The following ELF1 variants were observed in gnomAD, a reference collection of about 807,000 sequenced individuals.
The protein encoded by ELF1 is E74 like ETS transcription factor 1, also known as ETS-related transcription factor Elf-1.
ELF1 carries 24 observed loss-of-function variants against 59.9 expected under a neutral mutation model. The observed-to-expected ratio is 0.40, with a 90% confidence interval of 0.29 to 0.56. ELF1 has a LOEUF of 0.56. ELF1 is among the 20% of genes least tolerant of loss of function. The pLI, the probability that ELF1 is intolerant of heterozygous loss-of-function variation, is 0.44. For missense variants in ELF1, 627 were observed against 742.2 expected (o/e 0.84, Z 1.80); for synonymous variants, 248 against 266.2 (o/e 0.93, Z 0.67).
chr13:41,016,593 C>T (rs1195726651), intron 1 of ELF1, among the ~76,000 whole-genome samples: 1 of 151,970 alleles, frequency 6.6e-6, no homozygotes, highest in Non-Finnish European at 1.5e-5. Flanking sequence ...CAAGGTATCA[C>T]ATTAAACAAT....
At chr13:41,026,080 T>C (rs1875887534) in intron 1 of ELF1, among the ~76,000 whole-genome samples, 2 of 152,148 alleles carry the variant, frequency 1.3e-5, no homozygotes, top group East Asian at 3.9e-4. Context: ...GTCCATTATA[T>C]CAATGACATT....
chr13:40,978,076 A>G (rs1334630575), intron 2 of ELF1, among the ~76,000 whole-genome samples: 1 of 152,162 alleles, frequency 6.6e-6, no homozygotes, highest in East Asian at 1.9e-4. Flanking sequence ...CAAACATATG[A>G]AAGATACTAG....
At chr13:40,967,383 T>C (rs74045616) in intron 2 of ELF1, among the ~76,000 whole-genome samples, 1 of 152,340 alleles carries the variant, frequency 6.6e-6, no homozygotes, top group Non-Finnish European at 1.5e-5. Flanking sequence ...CTCTAAGCTT[T>C]AGTTCCTACA....
At chr13:41,024,219 A>T (rs1875794900), upstream of ELF1, among the ~76,000 whole-genome samples, 1 of 152,216 alleles carries the variant, frequency 6.6e-6, no homozygotes, top group Non-Finnish European at 1.5e-5. Context: ...CTTTATGAAG[A>T]CACATGCCAA....
chr13:41,060,032 T>G lies in ELF1; in HGVS notation c.-229+806A>C, dbSNP rs1411043. On this transcript the variant is annotated intron_variant, in intron 1 of 1. Transcript: ENST00000405737. ...AAAAGATTCTCGTTCCCAAAGGCCT[T>G]TTTTCGAGGGTACTTTCCGTGACTG... 2.7e-3 allele frequency among the ~76,000 whole-genome samples: 418 copies of G among 152,298 alleles called. 8 individuals are homozygous for G. In the East Asian group the frequency reaches 0.049, roughly 18 times the overall value.
intron 2 of ELF1, among the ~76,000 whole-genome samples, chr13:40,964,796 T>C (rs1872075609): frequency 6.6e-6 from 1 of 152,036 alleles, no homozygotes; most frequent in Admixed American, 6.6e-5. Context: ...CGGCCTCCCA[T>C]AGTGTTGGGA....
chr13:41,028,638 TATAAC>T (rs1161276845), intron 1 of ELF1, among the ~76,000 whole-genome samples: 3 of 152,240 alleles, frequency 2.0e-5, no homozygotes, highest in East Asian at 1.9e-4. Context: ...TATACATAGA[TATAAC>T]AAAGCAAATA....
intron 1 of ELF1, among the ~76,000 whole-genome samples, chr13:40,995,606 C>T (rs912567054): frequency 3.4e-5 from 5 of 149,164 alleles, no homozygotes; most frequent in Non-Finnish European, 5.9e-5. Flanking sequence ...AAAGGCAATA[C>T]AATAAAGAAA....
At chr13:40,966,533 G>A (rs1593367611) in intron 2 of ELF1, among the ~76,000 whole-genome samples, 2 of 152,264 alleles carry the variant, frequency 1.3e-5, no homozygotes, top group South Asian at 2.1e-4. Flanking sequence ...GAAGGAAAGC[G>A]ACCAATGTAA....
intron 5 of ELF1, among the ~76,000 whole-genome samples, chr13:40,946,465 GGTAGTTTCTA>G (rs1240759436): frequency 6.6e-6 from 1 of 152,062 alleles, no homozygotes; most frequent in Non-Finnish European, 1.5e-5. Flanking sequence ...TAGATTAGTT[GGTAGTTTCTA>G]GAGCTTTATA....
intron 8 of ELF1, 89 bp downstream of exon 8, chr13:40,940,832 T>C: frequency 7.2e-7 from 1 of 1,387,884 alleles, no homozygotes; most frequent in Non-Finnish European, 9.6e-7. Flanking sequence ...ACTTTTATTT[T>C]CATTTCTGAA....
chr13:41,029,391 C>T (rs1876075267), intron 1 of ELF1, among the ~76,000 whole-genome samples: 1 of 151,998 alleles, frequency 6.6e-6, no homozygotes, highest in Admixed American at 6.6e-5. Context: ...GAGAGACTGG[C>T]ATTTCTTTTT....
chr13:40,964,001 T>G (rs1047955444), intron 2 of ELF1, among the ~76,000 whole-genome samples: 2 of 152,030 alleles, frequency 1.3e-5, no homozygotes, highest in Non-Finnish European at 2.9e-5. Context: ...CTCAGGTGAC[T>G]AGAAAGATTC....
At chr13:41,014,375 T>G (rs1377110078) in intron 1 of ELF1, among the ~76,000 whole-genome samples, 1 of 152,152 alleles carries the variant, frequency 6.6e-6, no homozygotes, top group Non-Finnish European at 1.5e-5. Flanking sequence ...TCAAAACATT[T>G]CTGCATAGAA....
At position 40,931,983 on chromosome 13, in the gene ELF1, T is replaced by C. The variant is rs1345712746; in HGVS notation, c.*1442A>G. On this transcript the variant is annotated 3_prime_UTR_variant, in exon 9 of 9. Transcript: ENST00000239882. Reference sequence around the variant, plus strand: ...TAATGCTGATGTTCTAGTAATATTCTCTGCACACTTATTCTTTAAGAAACT... The same window carrying C: ...TAATGCTGATGTTCTAGTAATATTCCCTGCACACTTATTCTTTAAGAAACT... 2 of 152,230 alleles carry C rather than the reference T, an allele frequency of 1.3e-5. No individual in the cohort carries two copies. The highest frequency in any genetic ancestry group is 2.9e-5 in the Non-Finnish European group (2 of 68,046). The allele number at this position is 152,230 out of a possible 1,614,324, so 9.4% of individuals were successfully genotyped here.
At chr13:41,016,542 G>A (rs9566661) in intron 1 of ELF1, among the ~76,000 whole-genome samples, 4 of 152,082 alleles carry the variant, frequency 2.6e-5, no homozygotes, top group Non-Finnish European at 4.4e-5. Flanking sequence ...ATTTTGTAAA[G>A]TCACATGCAA....
At chr13:41,027,524 AG>A (rs1875987264) in intron 1 of ELF1, among the ~76,000 whole-genome samples, 1 of 152,218 alleles carries the variant, frequency 6.6e-6, no homozygotes, top group African/African-American at 2.4e-5. Flanking sequence ...AGCAGAGACC[AG>A]CAATGAGCCC....
intron 1 of ELF1, among the ~76,000 whole-genome samples, chr13:41,055,688 A>T (rs563643551): frequency 6.7e-4 from 102 of 151,950 alleles, no homozygotes; most frequent in Non-Finnish European, 5.7e-4. Flanking sequence ...TTATTATTTT[A>T]ATTTTTATTT....
intron 1 of ELF1, among the ~76,000 whole-genome samples, chr13:41,035,263 A>AT (rs1261862188): frequency 6.6e-6 from 1 of 152,186 alleles, no homozygotes; most frequent in Non-Finnish European, 1.5e-5. Context: ...GGTAAAGAAC[A>AT]TTACATTCCG....
Sources: gnomAD v4.1 joint callset for allele counts (sites outside exome capture counted in the v4.1 genomes callset) on GRCh38, gnomAD v4.1.1 for gene constraint, MANE v1.5 for transcripts, NCBI Gene and HGNC (gene_info 2026-07-23, HGNC 2026-07-21) for gene names.